The following CATSPERE variants were observed in gnomAD, a reference collection of about 807,000 sequenced individuals.
CATSPERE encodes the protein cation channel sperm-associated auxiliary subunit epsilon.
Under a neutral mutation model 114.1 loss-of-function variants are expected in CATSPERE, and 93 were observed. The ratio of observed to expected loss-of-function variants is 0.81; its 90% CI spans 0.69 to 0.97. The LOEUF (loss-of-function observed/expected upper bound fraction) is 0.97, where lower values mean the gene tolerates loss of function less well. Ranked by LOEUF, CATSPERE falls within the 50% of genes least tolerant of loss-of-function variation. The pLI, the probability that CATSPERE is intolerant of heterozygous loss-of-function variation, is 0.00. For missense variants in CATSPERE, 1,058 were observed against 1,131.6 expected (o/e 0.93, Z 0.93); for synonymous variants, 341 against 384.1 (o/e 0.89, Z 1.31).
chr1:244,496,044 T>C (rs535389978), intron 6 of CATSPERE, among the ~76,000 whole-genome samples: 56 of 152,164 alleles, frequency 3.7e-4, no homozygotes, highest in African/African-American at 1.3e-3. Context: ...GCGTGTGAAA[T>C]CAGTAACAAA....
chr1:244,451,797 G>C (rs1175358844), upstream of CATSPERE: 1 of 1,593,702 alleles, frequency 6.3e-7, no homozygotes, highest in Non-Finnish European at 8.5e-7. This position sits in a 1 kb window ranked among gnomAD's most constrained non-coding sequence, Gnocchi z 6.6. Flanking sequence ...ATGCCGCCGG[G>C]TAGGTCTCGG....
upstream of CATSPERE, chr1:244,452,060 G>C (rs1441520777): frequency 1.1e-5 from 4 of 357,440 alleles, no homozygotes; most frequent in Middle Eastern, 7.4e-4. Context: ...CGCAGGAAGA[G>C]GCCCTGGTGG....
chr1:244,598,927 A>T (rs1388011898), intron 17 of CATSPERE, among the ~76,000 whole-genome samples: 1 of 152,126 alleles, frequency 6.6e-6, no homozygotes, highest in African/African-American at 2.4e-5. Flanking sequence ...CTCCCCTTGT[A>T]TCTGTCAAGT....
intron 10 of CATSPERE, among the ~76,000 whole-genome samples, chr1:244,570,121 T>G (rs1476614476): frequency 6.6e-6 from 1 of 152,194 alleles, no homozygotes; most frequent in Non-Finnish European, 1.5e-5. Context: ...TATTTTTATT[T>G]TCTCTAATTG....
At chr1:244,553,626 C>CACACACACATATATACAT (rs1661100621) in intron 9 of CATSPERE, among the ~76,000 whole-genome samples, 2 of 146,678 alleles carry the variant, frequency 1.4e-5, no homozygotes, top group African/African-American at 2.6e-5. Context: ...CACACACACA[C>CACACACACATATATACAT]ACACACACAC....
rs371932318 is a variant in CATSPERE, at chr1:244,552,665, C to T, written c.880C>T (p.Arg294Trp). 2.5e-5 allele frequency: 40 copies of T among 1,613,836 alleles called. No individual in the cohort carries two copies. Among genetic ancestry groups the T allele is most frequent in the Non-Finnish European group, 3.3e-5 (39 of 1,180,010 alleles). Residue 294 changes from arginine to tryptophan, a missense_variant, in exon 9 of 22, where the codon CGG (arginine) becomes TGG (tryptophan). By Grantham distance (101) the Arg-to-Trp change is moderately radical. Coordinates refer to ENST00000366534, the MANE Select transcript of CATSPERE (RefSeq NM_001130957.2). ...GAGTGTGGCTCATGTGATCTTATCG[C>T]GGGATGGAATCGTTTTTCTTATAAA... ...RRSVAHVILS[R>W]DGIVFLINGV...
chr1:244,496,831 G>A (rs982539007), intron 6 of CATSPERE, among the ~76,000 whole-genome samples: 1 of 152,186 alleles, frequency 6.6e-6, no homozygotes, highest in African/African-American at 2.4e-5. Context: ...GAAATACACA[G>A]TGAAGCCTTC....
upstream of CATSPERE, among the ~76,000 whole-genome samples, chr1:244,456,746 C>G (rs1666197124): frequency 6.6e-6 from 1 of 152,098 alleles, no homozygotes; most frequent in Non-Finnish European, 1.5e-5. Context: ...ACAGCCATGC[C>G]CCTAGTTATG....
At chr1:244,562,624 T>C (rs1303411428) in intron 10 of CATSPERE, among the ~76,000 whole-genome samples, 2 of 152,250 alleles carry the variant, frequency 1.3e-5, no homozygotes, top group African/African-American at 4.8e-5. Context: ...AATGTTATTT[T>C]ATTGCACATA....
intron 11 of CATSPERE, among the ~76,000 whole-genome samples, chr1:244,578,405 C>T (rs1356029749): frequency 6.6e-6 from 1 of 152,102 alleles, no homozygotes; most frequent in African/African-American, 2.4e-5. Flanking sequence ...CCTGCCTCGG[C>T]CTGCCAAAGT....
chr1:244,453,703 G>T (rs1665852167), upstream of CATSPERE, among the ~76,000 whole-genome samples: 2 of 152,170 alleles, frequency 1.3e-5, no homozygotes, highest in Admixed American at 1.3e-4. Context: ...ATAGCCCCGG[G>T]GAGACGTCCC....
chr1:244,457,163 T>C (rs1211137973), upstream of CATSPERE, among the ~76,000 whole-genome samples: 3 of 152,196 alleles, frequency 2.0e-5, no homozygotes, highest in African/African-American at 7.2e-5. Flanking sequence ...TTAGCTTTTT[T>C]CTGTAGGTTA....
chr1:244,556,153 A>C (rs1661538188), intron 9 of CATSPERE, among the ~76,000 whole-genome samples: 1 of 152,192 alleles, frequency 6.6e-6, no homozygotes, highest in African/African-American at 2.4e-5. Context: ...AGCTGTGATC[A>C]CACCATTACA....
intron 8 of CATSPERE, among the ~76,000 whole-genome samples, chr1:244,548,549 T>G (rs1572692638): frequency 6.6e-6 from 1 of 152,252 alleles, no homozygotes; most frequent in East Asian, 1.9e-4. Context: ...ACATAATCCT[T>G]CTGCCATAAT....
rs757703102 is a variant in CATSPERE at position 244,575,525 on chromosome 1, C to T, written c.1950+2753C>T. Among the ~76,000 whole-genome samples, 10 of 152,262 alleles carry T rather than the reference C, an allele frequency of 6.6e-5. No homozygotes were observed. Among genetic ancestry groups the T allele is most frequent in the Middle Eastern group, 3.4e-3 (1 of 294 alleles). ...TGAGCAGCACAGAAGGCTTGGGGCTCGACAGCTGGTGGCCTGGATGGCTCT... is the reference window on the plus strand; with the variant it reads ...TGAGCAGCACAGAAGGCTTGGGGCTTGACAGCTGGTGGCCTGGATGGCTCT... On this transcript the variant is annotated intron_variant, in intron 11 of 21. Transcript: ENST00000366534. The surrounding 1 kb of genome is among the most constrained non-coding windows in gnomAD (Gnocchi z 4.5).
At chr1:244,493,049 C>T (rs1672492782) in intron 6 of CATSPERE, among the ~76,000 whole-genome samples, 1 of 150,366 alleles carries the variant, frequency 6.7e-6, no homozygotes, top group South Asian at 2.1e-4. Flanking sequence ...CAATGCCATC[C>T]CCATCAAGCT....
At chr1:244,606,874 T>C (rs1332782260) in intron 18 of CATSPERE, among the ~76,000 whole-genome samples, 1 of 152,142 alleles carries the variant, frequency 6.6e-6, no homozygotes, top group African/African-American at 2.4e-5. Flanking sequence ...AGTACTGGGG[T>C]TACAGGCGTG....
intron 6 of CATSPERE, 48 bp from the exon 7 acceptor site, chr1:244,498,950 AAAAG>A: frequency 1.4e-6 from 2 of 1,410,288 alleles, no homozygotes; most frequent in African/African-American, 2.9e-5. Context: ...CCACAACTAA[AAAAG>A]AAATTTGTAC....
At chr1:244,456,497 A>G (rs1666179194), upstream of CATSPERE, among the ~76,000 whole-genome samples, 1 of 152,144 alleles carries the variant, frequency 6.6e-6, no homozygotes, top group Admixed American at 6.5e-5. Flanking sequence ...TGTCAGAAAA[A>G]TAGAAATTTT....
Sources: allele counts gnomAD v4.1 joint callset (sites outside exome capture counted in the v4.1 genomes callset), GRCh38; gene constraint gnomAD v4.1.1; non-coding constraint Gnocchi (gnomAD v3.1); transcripts MANE v1.5; gene names NCBI Gene and HGNC (gene_info 2026-07-23, HGNC 2026-07-21).